TMEM176B: variants seen among roughly 807,000 people sequenced by gnomAD.
TMEM176B encodes transmembrane protein 176B, also known as LR8-like protein.
TMEM176B carries 28 observed loss-of-function variants against 30.3 expected under a neutral mutation model. The ratio of observed to expected loss-of-function variants is 0.92; its 90% CI spans 0.68 to 1.27. The LOEUF (loss-of-function observed/expected upper bound fraction) is 1.27. Among genes scored for constraint, TMEM176B ranks in the 50% most tolerant of loss-of-function variants. TMEM176B has a pLI of 0.00. For missense variants in TMEM176B, 349 were observed against 327.4 expected, an observed-to-expected ratio of 1.07 and a Z score of -0.51; for synonymous variants, 123 against 130.3, an observed-to-expected ratio of 0.94 and a Z score of 0.38.
At chr7:150,796,336 C>A (rs371966025) in intron 2 of TMEM176B, 30 bp downstream of exon 2, 2 of 1,596,906 alleles carry the variant, frequency 1.3e-6, no homozygotes, top group Non-Finnish European at 1.7e-6. Context: ...CGTTAACGTG[C>A]CCCCCAACCC....
chr7:150,795,203 C>T (rs1452204182), intron 2 of TMEM176B, among the ~76,000 whole-genome samples: 3 of 152,166 alleles, frequency 2.0e-5, no homozygotes, highest in Non-Finnish European at 4.4e-5. Flanking sequence ...GCTCAGAATC[C>T]ATTGACAGCG....
chr7:150,797,368 C>T (rs1798570303), intron 1 of TMEM176B, among the ~76,000 whole-genome samples: 2 of 152,128 alleles, frequency 1.3e-5, no homozygotes, highest in South Asian at 4.1e-4. Flanking sequence ...GAGAGAGGCT[C>T]TCCAAAAGAA....
At chr7:150,793,837 G>T in intron 3 of TMEM176B, 124 bp downstream of exon 3, 2 of 962,330 alleles carry the variant, frequency 2.1e-6, no homozygotes, top group Non-Finnish European at 3.2e-6. Flanking sequence ...CCTCCTCATG[G>T]CCAAAGGCCA....
intron 1 of TMEM176B, among the ~76,000 whole-genome samples, chr7:150,797,514 G>A (rs544630079): frequency 1.3e-5 from 2 of 152,240 alleles, no homozygotes; most frequent in Non-Finnish European, 2.9e-5. Flanking sequence ...TCTCTTTGAG[G>A]TGATCATCCT....
At chr7:150,797,883 T>C (rs563014846) in intron 1 of TMEM176B, among the ~76,000 whole-genome samples, 5 of 152,204 alleles carry the variant, frequency 3.3e-5, no homozygotes, top group Non-Finnish European at 7.4e-5. Flanking sequence ...TTACAGACAA[T>C]GTGGAATTGG....
intron 4 of TMEM176B, 63 bp downstream of exon 4, chr7:150,793,481 T>C: frequency 1.3e-6 from 2 of 1,589,268 alleles, no homozygotes; most frequent in Non-Finnish European, 1.7e-6. Context: ...AGAAGACAGA[T>C]AATGGAGCAG....
In TMEM176B at chr7:150,793,212, T is replaced by A; in HGVS notation, c.476A>T (p.Tyr159Phe). ...SFIWQTEPFLYIDTVCDRSDP... is the reference protein window; with the variant it reads ...SFIWQTEPFLFIDTVCDRSDP... ...TGAGCGATCACACACAGTGTCGATG[T>A]ATAAAAAGGGTTCAGTTTGCCAGAT... The change falls in exon 5 of 7, where the codon TAC becomes TTC. Residue 159 changes from tyrosine to phenylalanine, a missense_variant. By Grantham distance (22) the Tyr-to-Phe change is conservative. Coordinates refer to ENST00000326442, the MANE Select transcript of TMEM176B (RefSeq NM_001101312.2). 6.2e-7 allele frequency: 1 copy of A among 1,614,150 alleles called. No individual in the cohort carries two copies. Among genetic ancestry groups the A allele is most frequent in the Non-Finnish European group, 8.5e-7 (1 of 1,180,032 alleles).
intron 4 of TMEM176B, 66 bp downstream of exon 4, chr7:150,793,478 A>C (rs1354846299): frequency 6.3e-7 from 1 of 1,585,578 alleles, no homozygotes; most frequent in Non-Finnish European, 8.6e-7. Flanking sequence ...GGCAGAAGAC[A>C]GATAATGGAG....
At chr7:150,792,854 C>G (rs1798367159) in intron 5 of TMEM176B, among the ~76,000 whole-genome samples, 1 of 152,120 alleles carries the variant, frequency 6.6e-6, no homozygotes, top group Non-Finnish European at 1.5e-5. Flanking sequence ...GAAGGGTGAC[C>G]CACTATCTCC....
In TMEM176B at chr7:150,793,560, T is replaced by C; in HGVS notation, c.356A>G (p.His119Arg). The change falls in exon 4 of 7, where the codon CAC becomes CGC. Residue 119 changes from histidine (H) to arginine (R), a missense_variant. His to Arg is a conservative substitution (Grantham distance 29). Coordinates refer to ENST00000326442, the MANE Select transcript of TMEM176B (RefSeq NM_001101312.2). ...AGAGAIVHEK[H>R]PGKLAGYISS... Reference sequence around the variant, plus strand: ...AAGACTCACAGCAAGTTTGCCCGGGTGCTTCTCATGGACAATGGCCCCAGC... The same window carrying C: ...AAGACTCACAGCAAGTTTGCCCGGGCGCTTCTCATGGACAATGGCCCCAGC... The C allele has an allele frequency of 6.2e-7, 1 of 1,613,528 alleles. No homozygotes were observed. The highest frequency in any genetic ancestry group is 1.3e-5 in the African/African-American group (1 of 74,978).
intron 3 of TMEM176B, 118 bp downstream of exon 3, chr7:150,793,843 G>C: frequency 1.0e-6 from 1 of 986,346 alleles, no homozygotes; most frequent in East Asian, 2.4e-5. Flanking sequence ...CATGGCCAAA[G>C]GCCATTTGGC....
chr7:150,801,041 G>A (rs900930963), upstream of TMEM176B: 2 of 967,686 alleles, frequency 2.1e-6, no homozygotes, highest in Admixed American at 6.1e-5. Context: ...GCGTGAACCC[G>A]TCGGGCGTGA....
intron 1 of TMEM176B, among the ~76,000 whole-genome samples, chr7:150,798,476 C>T (rs868851971): frequency 2.0e-5 from 3 of 152,126 alleles, no homozygotes; most frequent in Non-Finnish European, 2.9e-5. Context: ...GGGGTTTCAC[C>T]GTGTTAGCCA....
At chr7:150,794,907 CCACACACACACACA>C (rs3220239) in intron 2 of TMEM176B, among the ~76,000 whole-genome samples, 82 of 141,686 alleles carry the variant, frequency 5.8e-4, no homozygotes, top group African/African-American at 2.1e-3. Context: ...TCCCCTACTA[CCACACACACACACA>C]CACACACACA....
intron 2 of TMEM176B, among the ~76,000 whole-genome samples, 199 bp downstream of exon 2, chr7:150,796,167 A>G (rs1030091720): frequency 6.6e-6 from 1 of 152,034 alleles, no homozygotes; most frequent in Non-Finnish European, 1.5e-5. Flanking sequence ...AATATGTAAC[A>G]TTTCTCCTTT....
chr7:150,799,016 G>A (rs10230736), intron 1 of TMEM176B, among the ~76,000 whole-genome samples: 35,049 of 151,854 alleles, frequency 0.23, 4,183 homozygotes, highest in East Asian at 0.32. Flanking sequence ...TCCCCGTTTC[G>A]AGATTATAAA....
intron 1 of TMEM176B, 37 bp from the exon 2 acceptor site, chr7:150,796,611 A>C (rs1798538757): frequency 2.5e-6 from 4 of 1,603,826 alleles, no homozygotes; most frequent in Non-Finnish European, 3.4e-6. Flanking sequence ...GAGGTCTGGG[A>C]ACTAGGCGAG....
rs144843834 is a variant in TMEM176B at position 150,798,343 on chromosome 7, G to A, written c.-5-1769C>T. 9.5e-3 allele frequency among the ~76,000 whole-genome samples: 1,443 copies of A among 152,018 alleles called. 24 individuals carry two copies. The highest frequency in any genetic ancestry group is 0.03 in the African/African-American group (1,247 of 41,450). On this transcript the variant is annotated intron_variant, in intron 1 of 6. Coordinates refer to ENST00000326442, the MANE Select transcript of TMEM176B (RefSeq NM_001101312.2). ...GCTCTGTCGCCCAGGCTAGGGTGGCGCGATCTCGGCTCACTGCCAGCTCCA... is the reference window on the plus strand; with the variant it reads ...GCTCTGTCGCCCAGGCTAGGGTGGCACGATCTCGGCTCACTGCCAGCTCCA...
rs1245849197 is a variant in TMEM176B at position 150,791,500 on chromosome 7, C to A, written c.*31G>T. 1 of 1,596,696 alleles carries A rather than the reference C, an allele frequency of 6.3e-7. No homozygotes were observed. Among genetic ancestry groups the A allele is most frequent in the Non-Finnish European group, 8.6e-7 (1 of 1,166,342 alleles). On this transcript the variant is annotated 3_prime_UTR_variant, in exon 7 of 7. Coordinates refer to ENST00000326442, the MANE Select transcript of TMEM176B (RefSeq NM_001101312.2). The stretch of plus-strand genomic sequence containing the variant: ...GGCCCTGGGCTGCCCTAGACAGGGA[C>A]ATGCGGGCACCCCGTGGGGTCTTTG...
Sources: gnomAD v4.1 joint callset for allele counts (sites outside exome capture counted in the v4.1 genomes callset) on GRCh38, gnomAD v4.1.1 for gene constraint, MANE v1.5 for transcripts, NCBI Gene and HGNC (gene_info 2026-07-23, HGNC 2026-07-21) for gene names.